The following STX3 variants were observed in gnomAD, a reference collection of about 807,000 sequenced individuals.
STX3 encodes syntaxin-3.
A neutral mutation model predicts 40.2 loss-of-function variants in STX3; 19 were observed. The observed-to-expected ratio is 0.47, with a 90% CI of 0.33 to 0.69. The LOEUF (loss-of-function observed/expected upper bound fraction) is 0.69. Among genes scored for constraint, STX3 ranks in the 30% least tolerant of loss-of-function variants. The pLI is 0.02. For missense variants in STX3, 364 were observed against 366.7 expected (o/e 0.99, Z 0.06); for synonymous variants, 122 against 132.2 (o/e 0.92, Z 0.53).
Position 59,802,926 on chromosome 11 carries a change from C to T in STX3, c.*2102C>T. ...GTGTTCCCCCCAAAAGAATTTGGTTCAGTCCTTGGGAGTATCTGGCTTTAG... is the reference window on the plus strand; with the variant it reads ...GTGTTCCCCCCAAAAGAATTTGGTTTAGTCCTTGGGAGTATCTGGCTTTAG... On this transcript the variant is annotated 3_prime_UTR_variant, in exon 11 of 11. Transcript: ENST00000337979. 2 of 985,418 alleles carry T rather than the reference C, an allele frequency of 2.0e-6. No homozygotes were observed. The highest frequency in any genetic ancestry group is 2.4e-6 in the Non-Finnish European group (2 of 829,942). The allele number at this position is 985,418 out of a possible 1,614,324, so 61.0% of individuals were successfully genotyped here.
At chr11:59,783,126 G>C (rs555748013) in intron 2 of STX3, among the ~76,000 whole-genome samples, 2 of 152,276 alleles carry the variant, frequency 1.3e-5, no homozygotes, top group East Asian at 3.9e-4. Context: ...TACTTCTTGA[G>C]GGCTCATTTT....
At chr11:59,759,910 G>A (rs1042774172) in intron 1 of STX3, among the ~76,000 whole-genome samples, 1 of 152,152 alleles carries the variant, frequency 6.6e-6, no homozygotes, top group South Asian at 2.1e-4. Context: ...TATGTGCCAG[G>A]TGCTTTGGAT....
intron 1 of STX3, among the ~76,000 whole-genome samples, chr11:59,759,718 ACT>A (rs1862932624): frequency 1.3e-5 from 2 of 151,470 alleles, no homozygotes; most frequent in Admixed American, 6.6e-5. Flanking sequence ...CTAACTTTTT[ACT>A]CTCTCTGTGT....
At chr11:59,776,553 C>A (rs555500376) in intron 2 of STX3, among the ~76,000 whole-genome samples, 1 of 152,206 alleles carries the variant, frequency 6.6e-6, no homozygotes, top group Non-Finnish European at 1.5e-5. Flanking sequence ...GCCCACTACA[C>A]CCTGCAGGTT....
chr11:59,757,849 G>A (rs1379402089), intron 1 of STX3, among the ~76,000 whole-genome samples: 1 of 152,164 alleles, frequency 6.6e-6, no homozygotes, highest in African/African-American at 2.4e-5. Flanking sequence ...AGACTGTTAA[G>A]GTTTATGTGG....
chr11:59,788,884 G>T lies in STX3; in HGVS notation c.226G>T (p.Asp76Tyr). The T allele has an allele frequency of 6.2e-7, 1 of 1,612,400 alleles. No individual in the cohort carries two copies. The highest frequency in any genetic ancestry group is 1.1e-5 in the South Asian group (1 of 90,708). Residue 76 changes from aspartate to tyrosine, a missense_variant, in exon 4 of 11, where the codon GAC (aspartate) becomes TAC (tyrosine). Asp to Tyr is a radical substitution (Grantham distance 160). Transcript: ENST00000337979. ...APIPEPKTKDDLEQLTTEIKK... is the reference protein window; with the variant it reads ...APIPEPKTKDYLEQLTTEIKK... ...CTTTATTTACCCAGAAACCAAGGAT[G>T]ACCTAGAGCAGCTCACGACTGAGAT... is the stretch of plus-strand genomic sequence containing the variant.
At chr11:59,799,623 A>C in intron 10 of STX3, 260 of 981,610 alleles carry the variant, frequency 2.6e-4, no homozygotes, top group Middle Eastern at 1.0e-3. Context: ...GACTTGGCAC[A>C]TAATACCATG....
intron 1 of STX3, among the ~76,000 whole-genome samples, chr11:59,770,528 C>T (rs940531316): frequency 3.3e-5 from 5 of 151,894 alleles, no homozygotes; most frequent in East Asian, 1.9e-4. Flanking sequence ...AGAGGAAGAC[C>T]GGGTCACAGT....
intron 1 of STX3, among the ~76,000 whole-genome samples, chr11:59,758,595 C>T (rs1363013109): frequency 6.6e-6 from 1 of 152,238 alleles, no homozygotes; most frequent in Non-Finnish European, 1.5e-5. Context: ...GTCACAAGAT[C>T]TGACTCACCT....
chr11:59,788,785 C>G (rs1864924539), intron 3 of STX3, 88 bp from the exon 4 acceptor site: 1 of 1,128,620 alleles, frequency 8.9e-7, no homozygotes, highest in African/African-American at 1.6e-5. Flanking sequence ...CCCGATAAAG[C>G]TCCCCTCCTC....
At chr11:59,800,019 C>T (rs1469396799) in intron 10 of STX3, 1 of 985,284 alleles carries the variant, frequency 1.0e-6, no homozygotes, top group Non-Finnish European at 1.2e-6. Context: ...ATTCCTAATT[C>T]CAGGACTTCA....
intron 10 of STX3, among the ~76,000 whole-genome samples, chr11:59,798,248 C>G (rs1005239904): frequency 6.6e-6 from 1 of 150,988 alleles, no homozygotes; most frequent in African/African-American, 2.4e-5. Flanking sequence ...TGCTCTATCT[C>G]CCAGCCTGGG....
chr11:59,764,665 G>T (rs1201042194), intron 1 of STX3, among the ~76,000 whole-genome samples: 1 of 152,128 alleles, frequency 6.6e-6, no homozygotes, highest in Non-Finnish European at 1.5e-5. Flanking sequence ...CTTCAAGTGT[G>T]TGTAGTGGGG....
upstream of STX3, chr11:59,755,141 A>G (rs1475396394): frequency 6.5e-6 from 1 of 154,676 alleles, no homozygotes; most frequent in Non-Finnish European, 1.4e-5. Context: ...GACCGCAGCC[A>G]GACAGTCGCT....
chr11:59,770,235 C>T (rs981393472), intron 1 of STX3, among the ~76,000 whole-genome samples: 12 of 135,990 alleles, frequency 8.8e-5, no homozygotes, highest in Middle Eastern at 4.7e-3. Context: ...GTGTAATGTA[C>T]GTGTGTAGGG....
chr11:59,762,729 A>C (rs1018521320), intron 1 of STX3, among the ~76,000 whole-genome samples: 17 of 152,140 alleles, frequency 1.1e-4, no homozygotes, highest in Admixed American at 7.9e-4. Context: ...AAGAGAGGGA[A>C]GAAGTGTGGG....
At chr11:59,793,348 G>A in intron 7 of STX3, 32 bp from the exon 8 acceptor site, 5 of 1,605,832 alleles carry the variant, frequency 3.1e-6, no homozygotes, top group Non-Finnish European at 4.3e-6. Flanking sequence ...TCTTGCAGGG[G>A]TAGCTAACAG....
At chr11:59,773,758 T>A (rs539308926) in intron 2 of STX3, among the ~76,000 whole-genome samples, 318 of 152,212 alleles carry the variant, frequency 2.1e-3, no homozygotes, top group African/African-American at 7.3e-3. Flanking sequence ...GGCAGGTGGA[T>A]CACTTGAGGT....
At chr11:59,755,270 C>T, upstream of STX3, 1 of 208,302 alleles carries the variant, frequency 4.8e-6, no homozygotes, top group Non-Finnish European at 9.5e-6. Context: ...CCCCGGGCGG[C>T]CGGGCGGTGG....
Sources: gnomAD v4.1 joint callset for allele counts (sites outside exome capture counted in the v4.1 genomes callset) on GRCh38, gnomAD v4.1.1 for gene constraint, MANE v1.5 for transcripts, NCBI Gene and HGNC (gene_info 2026-07-23, HGNC 2026-07-21) for gene names.